ZMYM2: variants seen among roughly 807,000 people sequenced by gnomAD.
ZMYM2 encodes zinc finger MYM-type containing 2, also known as zinc finger MYM-type protein 2.
A neutral mutation model predicts 162.8 loss-of-function variants in ZMYM2; 56 were observed. The observed-to-expected ratio is 0.34, with a 90% CI of 0.28 to 0.43. The LOEUF (loss-of-function observed/expected upper bound fraction) is 0.43. Among genes scored for constraint, ZMYM2 ranks in the 20% least tolerant of loss-of-function variants. The pLI, the probability that ZMYM2 is intolerant of heterozygous loss-of-function variation, is 1.00. For missense variants in ZMYM2, 1,275 were observed against 1,621.8 expected (o/e 0.79, Z 3.67); for synonymous variants, 510 against 541.6 (o/e 0.94, Z 0.81).
chr13:19,928,293 G>A, the ZMYM2 span, among the ~76,000 whole-genome samples: 1 of 152,128 alleles, frequency 6.6e-6, no homozygotes, highest in Non-Finnish European at 1.5e-5. Context: ...GTGAGCTAAT[G>A]CACCTGACCT....
chr13:19,954,202 C>G (rs1292520409), upstream of ZMYM2, among the ~76,000 whole-genome samples: 8 of 127,452 alleles, frequency 6.3e-5, no homozygotes, highest in Non-Finnish European at 1.3e-4. Context: ...AATCTCGGCT[C>G]ACTGCAAGCT....
At position 20,061,043 on chromosome 13, in the gene ZMYM2, G is replaced by A; in HGVS notation, c.2740-10G>A. The A allele has an allele frequency of 6.2e-7, 1 of 1,603,138 alleles. No individual in the cohort carries two copies. Among genetic ancestry groups the A allele is most frequent in the Non-Finnish European group, 8.5e-7 (1 of 1,174,276 alleles). ...TAGTAAACCTAACTCAAAATGATTTGGTTAATTAGGTGCCAGTTCCTGTTT... is the reference window on the plus strand; with the variant it reads ...TAGTAAACCTAACTCAAAATGATTTAGTTAATTAGGTGCCAGTTCCTGTTT... On this transcript the variant is annotated splice_polypyrimidine_tract_variant and intron_variant, in intron 16 of 24. Coordinates refer to ENST00000610343, the MANE Select transcript of ZMYM2 (RefSeq NM_197968.4).
chr13:20,015,930 G>A lies in ZMYM2; in HGVS notation c.1513-3617G>A, dbSNP rs144519418. ...TAAATGTACATGGATCAAATTATCCGATCAAAAAGCAGAAATTGACAGAAT... is the reference window on the plus strand; with the variant it reads ...TAAATGTACATGGATCAAATTATCCAATCAAAAAGCAGAAATTGACAGAAT... On this transcript the variant is annotated intron_variant, in intron 6 of 24. Coordinates refer to ENST00000610343, the MANE Select transcript of ZMYM2 (RefSeq NM_197968.4). 3.6e-4 allele frequency among the ~76,000 whole-genome samples: 55 copies of A among 151,782 alleles called. 1 individual carries two copies. The highest frequency in any genetic ancestry group is 1.1e-3 in the African/African-American group (44 of 41,428).
chr13:19,902,547 C>G, the ZMYM2 span, among the ~76,000 whole-genome samples: 2 of 151,956 alleles, frequency 1.3e-5, no homozygotes, highest in African/African-American at 4.8e-5. Flanking sequence ...ACCCGGGAGG[C>G]AGAGCTTGCA....
chr13:19,941,765 G>T, the ZMYM2 span, among the ~76,000 whole-genome samples: 114,064 of 132,026 alleles, frequency 0.86, 50,515 homozygotes, highest in East Asian at 0.99. Flanking sequence ...GAGCGTGGGG[G>T]TGGGGACAGG....
At chr13:19,916,991 C>A in the ZMYM2 span, among the ~76,000 whole-genome samples, 1 of 152,296 alleles carries the variant, frequency 6.6e-6, no homozygotes, top group Admixed American at 6.5e-5. Flanking sequence ...GAGACGGAGT[C>A]TCGCTCTGTC....
the ZMYM2 span, among the ~76,000 whole-genome samples, chr13:19,934,402 C>T: frequency 6.6e-6 from 1 of 152,122 alleles, no homozygotes; most frequent in Admixed American, 6.5e-5. Context: ...TTGTGATTTG[C>T]CCACCTCGGC....
At chr13:19,973,827 C>T (rs1437859277) in intron 2 of ZMYM2, among the ~76,000 whole-genome samples, 1 of 152,078 alleles carries the variant, frequency 6.6e-6, no homozygotes, top group Non-Finnish European at 1.5e-5. Flanking sequence ...TGTAAACCTT[C>T]TTAAAACATT....
At chr13:19,988,118 A>G (rs965107057) in intron 2 of ZMYM2, among the ~76,000 whole-genome samples, 1 of 152,154 alleles carries the variant, frequency 6.6e-6, no homozygotes, top group Non-Finnish European at 1.5e-5. Context: ...CTGTTTTATT[A>G]TAGAAAAAAA....
At chr13:19,926,594 C>G in the ZMYM2 span, among the ~76,000 whole-genome samples, 1 of 152,014 alleles carries the variant, frequency 6.6e-6, no homozygotes, top group African/African-American at 2.4e-5. Flanking sequence ...GAACTCCTGT[C>G]CTCAAGTGAT....
At chr13:20,034,725 A>G (rs1262371645) in intron 11 of ZMYM2, among the ~76,000 whole-genome samples, 1 of 152,182 alleles carries the variant, frequency 6.6e-6, no homozygotes. Flanking sequence ...ATTGTTTTCC[A>G]TTAGCTCCAT....
chr13:20,087,501 G>T lies in ZMYM2; in HGVS notation c.*1487G>T. ...TAGAAATTGTTCAGGGGAAAATTGA[G>T]CTATTTTCCATAGTGGCTAGCAATT... is the stretch of plus-strand genomic sequence containing the variant. On this transcript the variant is annotated 3_prime_UTR_variant, in exon 25 of 25. Coordinates refer to ENST00000610343, the MANE Select transcript of ZMYM2 (RefSeq NM_197968.4). 1 of 187,116 alleles carries T rather than the reference G, an allele frequency of 5.3e-6. No individual in the cohort carries two copies. Among genetic ancestry groups the T allele is most frequent in the Non-Finnish European group, 1.1e-5 (1 of 88,626 alleles). 11.6% of individuals were successfully genotyped at this position (187,116 alleles called of 1,614,324 possible).
chr13:19,956,620 T>G (rs1161968737), upstream of ZMYM2, among the ~76,000 whole-genome samples: 1 of 152,180 alleles, frequency 6.6e-6, no homozygotes, highest in African/African-American at 2.4e-5. Flanking sequence ...AAGTAAATAA[T>G]AAATACTATA....
At chr13:19,934,370 G>GT in the ZMYM2 span, among the ~76,000 whole-genome samples, 4 of 152,210 alleles carry the variant, frequency 2.6e-5, no homozygotes, top group East Asian at 3.9e-4. Context: ...ATATTGGTCA[G>GT]GCTGGTCTTG....
chr13:20,037,706 ATGTGTG>A (rs1390395776), intron 12 of ZMYM2, among the ~76,000 whole-genome samples: 1 of 152,166 alleles, frequency 6.6e-6, no homozygotes, highest in African/African-American at 2.4e-5. Flanking sequence ...GAAACCATAA[ATGTGTG>A]TATGTGTATG....
intron 2 of ZMYM2, among the ~76,000 whole-genome samples, chr13:19,975,468 A>G (rs1453580219): frequency 6.6e-6 from 1 of 152,196 alleles, no homozygotes; most frequent in African/African-American, 2.4e-5. Flanking sequence ...AATGTTTTCA[A>G]AGTTCATCTA....
chr13:20,085,988 T>A lies in ZMYM2; in HGVS notation c.4108T>A (p.Tyr1370Asn). The A allele has an allele frequency of 6.2e-7, 1 of 1,613,512 alleles. No homozygotes were observed. The highest frequency in any genetic ancestry group is 8.5e-7 in the Non-Finnish European group (1 of 1,179,652). ...AAAAGATATTTATGATAAAGACAAT[T>A]ATGAACTGGATGAAGACACAGACTA... Reference protein sequence around the residue: ...LVKDIYDKDNYELDEDTD With the variant: ...LVKDIYDKDNNELDEDTD The change falls in exon 25 of 25, where the codon TAT (tyrosine) becomes AAT (asparagine). Residue 1370 changes from tyrosine to asparagine, a missense_variant. Around this residue, in one of 10 missense-constraint regions of ZMYM2, gnomAD observed 69 missense variants for 78.4 expected, o/e 0.88. Transcript: ENST00000610343.
chr13:20,053,473 A>C (rs1469438622), intron 14 of ZMYM2, among the ~76,000 whole-genome samples: 1 of 152,170 alleles, frequency 6.6e-6, no homozygotes, highest in Non-Finnish European at 1.5e-5. Flanking sequence ...CAACATGGTG[A>C]ATCTCCATCT....
chr13:20,029,856 G>A (rs983383513), intron 9 of ZMYM2, among the ~76,000 whole-genome samples: 8 of 151,696 alleles, frequency 5.3e-5, no homozygotes, highest in African/African-American at 1.9e-4. Context: ...GGGGTGCAGT[G>A]GCATGATCTC....
Sources: allele counts gnomAD v4.1 joint callset (sites outside exome capture counted in the v4.1 genomes callset), GRCh38; gene constraint gnomAD v4.1.1; regional missense constraint gnomAD v4.1.1; transcripts MANE v1.5; gene names NCBI Gene and HGNC (gene_info 2026-07-23, HGNC 2026-07-21).